DNAH11: variants seen among roughly 807,000 people sequenced by gnomAD.
DNAH11 encodes the protein axonemal beta dynein heavy chain 11.
In DNAH11, 442 loss-of-function variants were observed where a neutral mutation model predicts 526.0. The observed-to-expected ratio is 0.84, with a 90% CI of 0.78 to 0.91. The LOEUF is 0.91. Among genes scored for constraint, DNAH11 ranks in the 40% least tolerant of loss-of-function variants. DNAH11 has a pLI of 0.00. For missense variants in DNAH11, 6,989 were observed against 5,448.7 expected (o/e 1.28, Z -8.90); for synonymous variants, 2,461 against 1,935.9 (o/e 1.27, Z -7.12).
chr7:21,560,621 C>T (rs1461824701), intron 4 of DNAH11, among the ~76,000 whole-genome samples: 4 of 152,022 alleles, frequency 2.6e-5, no homozygotes, highest in Non-Finnish European at 5.9e-5. Context: ...GGCCAGAAGA[C>T]TCAGGAAGTC....
intron 30 of DNAH11, among the ~76,000 whole-genome samples, chr7:21,677,255 A>G (rs4722047): frequency 0.03 from 4,245 of 139,942 alleles, 88 homozygotes; most frequent in South Asian, 0.048. Context: ...AACCCTATCT[A>G]TGCTGGGCAT....
chr7:21,650,670 G>A (rs545195461), intron 28 of DNAH11, among the ~76,000 whole-genome samples: 8 of 148,748 alleles, frequency 5.4e-5, no homozygotes, highest in South Asian at 2.1e-4. Context: ...ATGGAGTTTC[G>A]TTCTTGTCTC....
At chr7:21,614,299 C>T (rs1785667723) in intron 20 of DNAH11, among the ~76,000 whole-genome samples, 1 of 152,026 alleles carries the variant, frequency 6.6e-6, no homozygotes, top group Admixed American at 6.6e-5. Flanking sequence ...CCAGTAGTAA[C>T]CTAGTATAAT....
chr7:21,785,180 A>G (rs1788120451), intron 58 of DNAH11, among the ~76,000 whole-genome samples: 1 of 152,196 alleles, frequency 6.6e-6, no homozygotes, highest in South Asian at 2.1e-4. Context: ...TCAGGAAATC[A>G]CTGGGCCTGA....
chr7:21,821,767 T>C (rs894974652), intron 65 of DNAH11, among the ~76,000 whole-genome samples: 7 of 152,114 alleles, frequency 4.6e-5, no homozygotes, highest in African/African-American at 1.7e-4. Flanking sequence ...TTGGTAACTA[T>C]AACTTTCCTA....
chr7:21,750,327 G>C lies in DNAH11; in HGVS notation c.8903G>C (p.Trp2968Ser). 6.2e-7 allele frequency: 1 copy of C among 1,605,648 alleles called. No homozygotes were observed. Among genetic ancestry groups the C allele is most frequent in the Non-Finnish European group, 8.5e-7 (1 of 1,175,966 alleles). ...ATGGTAGACTCCAGGGAAAACTGTT[G>C]GAAATTCTTTATGGCCAGGGTGCGA... The part of the protein sequence containing the change: ...LGMVDSRENC[W>S]KFFMARVRLQ... The change falls in exon 54 of 82, where the codon TGG becomes TCG. Residue 2968 changes from tryptophan (W) to serine (S), a missense_variant. Physicochemically the swap from Trp to Ser is radical, Grantham distance 177. Transcript: ENST00000409508.
At position 21,901,224 on chromosome 7, in the gene DNAH11, G is replaced by A; in HGVS notation, c.13521G>A (p.Leu4507=). ...AAGAGAAGACTGCAAAATGGGTTCT[G>A]GCTGGAGTGGCTCTGCTTCTAGAAG... ...KSEEKTAKWV[L]AGVALLLEA is the part of the protein sequence containing the mutation. The change falls in exon 82 of 82, where the codon CTG becomes CTA. Residue 4507 remains leucine (L), a synonymous_variant. Coordinates refer to ENST00000409508, the MANE Select transcript of DNAH11 (RefSeq NM_001277115.2). The A allele has an allele frequency of 2.5e-6, 4 of 1,613,468 alleles. No homozygotes were observed. Among genetic ancestry groups the A allele is most frequent in the Non-Finnish European group, 3.4e-6 (4 of 1,179,550 alleles).
At chr7:21,888,606 C>T (rs988673475) in intron 76 of DNAH11, among the ~76,000 whole-genome samples, 1 of 152,146 alleles carries the variant, frequency 6.6e-6, no homozygotes, top group Non-Finnish European at 1.5e-5. Flanking sequence ...TCTCCTGTCT[C>T]AGCCTCCTGA....
chr7:21,583,725 AC>A (rs1361289403), intron 9 of DNAH11, among the ~76,000 whole-genome samples: 2 of 152,224 alleles, frequency 1.3e-5, no homozygotes, highest in Non-Finnish European at 2.9e-5. Flanking sequence ...AGGAACTTAA[AC>A]AAATTTACAA....
chr7:21,899,085 A>G (rs962764823), intron 79 of DNAH11, among the ~76,000 whole-genome samples: 7 of 152,206 alleles, frequency 4.6e-5, no homozygotes, highest in Non-Finnish European at 1.0e-4. Flanking sequence ...CATAAATGGA[A>G]ATGAGTTTTC....
chr7:21,826,102 A>G (rs76837778), intron 65 of DNAH11, among the ~76,000 whole-genome samples: 23,961 of 152,236 alleles, frequency 0.16, 2,086 homozygotes, highest in East Asian at 0.38. Flanking sequence ...TTGAAAGCAC[A>G]GACTTCACCA....
Position 21,787,287 on chromosome 7 carries a change from C to G in DNAH11, c.9742-114C>G, listed in dbSNP as rs138879044. ...AAGTCAAACAGTAGGATAAATGCAG[C>G]TTGCCAATTTTGCTTTTGTAATGTG... On this transcript the variant is annotated intron_variant, in intron 59 of 81. Transcript: ENST00000409508. 3.5e-3 allele frequency: 3,406 copies of G among 975,616 alleles called. 10 individuals are homozygous for G. Among genetic ancestry groups the G allele is most frequent in the South Asian group, 5.3e-3 (292 of 55,560 alleles). 60.4% of individuals were successfully genotyped at this position (975,616 alleles called of 1,614,324 possible).
intron 73 of DNAH11, among the ~76,000 whole-genome samples, chr7:21,873,012 G>A (rs1783559273): frequency 6.6e-6 from 1 of 151,962 alleles, no homozygotes; most frequent in Non-Finnish European, 1.5e-5. Context: ...TATGTGTATT[G>A]CGTGGAGATT....
Position 21,895,107 on chromosome 7 carries a change from T to G in DNAH11, c.13049+108T>G, listed in dbSNP as rs1457460665. On this transcript the variant is annotated intron_variant, in intron 79 of 81. Transcript: ENST00000409508. ...TATGCAGACGGAGCTTTGTGACTGT[T>G]CTCAACCTGTAACCGTAAAAAATTC... The G allele has an allele frequency of 3.4e-6, 3 of 893,960 alleles. No individual in the cohort carries two copies. In the East Asian group the frequency reaches 7.7e-5, roughly 23 times the overall value. The allele number at this position is 893,960 out of a possible 1,614,324, so 55.4% of individuals were successfully genotyped here.
At position 21,710,595 on chromosome 7, in the gene DNAH11, A is replaced by T; in HGVS notation, c.6726A>T (p.Leu2242=). Reference sequence around the variant, plus strand: ...TTATAGGTCTCTTCTCATCCATTCTACGAGAACAAGCAAATCTTAAGCATG... The same window carrying T: ...TTATAGGTCTCTTCTCATCCATTCTTCGAGAACAAGCAAATCTTAAGCATG... The part of the protein sequence containing the change: ...SYFIGLFSSI[L]REQANLKHDG... Residue 2242 remains leucine, a synonymous_variant, in exon 41 of 82, where the codon CTA becomes CTT. Coordinates refer to ENST00000409508, the MANE Select transcript of DNAH11 (RefSeq NM_001277115.2). 6.2e-7 allele frequency: 1 copy of T among 1,612,928 alleles called. No homozygotes were observed. The highest frequency in any genetic ancestry group is 8.5e-7 in the Non-Finnish European group (1 of 1,179,178).
intron 8 of DNAH11, 71 bp from the exon 9 acceptor site, chr7:21,581,834 C>A: frequency 1.1e-6 from 1 of 938,902 alleles, no homozygotes; most frequent in South Asian, 1.4e-5. Context: ...AGTAAGGTCA[C>A]GCTTGTGTGA....
At chr7:21,783,544 A>T (rs1255564452) in intron 57 of DNAH11, among the ~76,000 whole-genome samples, 2 of 152,166 alleles carry the variant, frequency 1.3e-5, no homozygotes, top group African/African-American at 4.8e-5. Flanking sequence ...CCAGTGCCAC[A>T]GCTTTGAAAC....
At chr7:21,891,368 C>CA (rs1352621238) in intron 76 of DNAH11, among the ~76,000 whole-genome samples, 1 of 152,120 alleles carries the variant, frequency 6.6e-6, no homozygotes, top group Non-Finnish European at 1.5e-5. Context: ...TTTAAGTGCA[C>CA]ATACAGACAG....
At chr7:21,609,493 T>G (rs1009102335) in intron 20 of DNAH11, among the ~76,000 whole-genome samples, 66 of 152,148 alleles carry the variant, frequency 4.3e-4, no homozygotes, top group Non-Finnish European at 1.2e-4. Context: ...TTGCTGGGAT[T>G]ACAAGCATGA....
Sources: allele counts gnomAD v4.1 joint callset (sites outside exome capture counted in the v4.1 genomes callset), GRCh38; gene constraint gnomAD v4.1.1; transcripts MANE v1.5; gene names NCBI Gene and HGNC (gene_info 2026-07-23, HGNC 2026-07-21).